The following WNK2 variants were observed in gnomAD, a reference collection of about 807,000 sequenced individuals.
WNK2 encodes serine/threonine-protein kinase WNK2.
A neutral mutation model predicts 192.1 loss-of-function variants in WNK2; 67 were observed. The ratio of observed to expected loss-of-function variants is 0.35; its 90% CI spans 0.29 to 0.43. The LOEUF (loss-of-function observed/expected upper bound fraction) is 0.43, where lower values mean the gene tolerates loss of function less well. Among genes scored for constraint, WNK2 ranks in the 20% least tolerant of loss-of-function variants. The pLI is 1.00. For synonymous variants in WNK2, 1,439 were observed against 1,393.9 expected, an observed-to-expected ratio of 1.03 and a Z score of -0.72; for missense variants, 2,698 against 3,089.7, an observed-to-expected ratio of 0.87 and a Z score of 3.01.
rs566241323 is a variant in WNK2 at position 93,184,308 on chromosome 9, C to G, written c.-80C>G. On this transcript the variant is annotated 5_prime_UTR_variant, in exon 1 of 30. Transcript: ENST00000427277. ...CGGACCTCGCCCGGAACTCGGACCC[C>G]GTCCTCGAAGCGTGATCTCTCCCGC... is the stretch of plus-strand genomic sequence containing the variant. Among the ~76,000 whole-genome samples the G allele has an allele frequency of 3.3e-5, 5 of 151,448 alleles. No individual in the cohort carries two copies. The highest frequency in any genetic ancestry group is 1.2e-4 in the African/African-American group (5 of 41,480).
intron 2 of WNK2, among the ~76,000 whole-genome samples, chr9:93,211,545 TTCAC>T (rs1312740495): frequency 9.6e-5 from 11 of 115,098 alleles, no homozygotes; most frequent in South Asian, 3.1e-4. Flanking sequence ...CACTCATCCA[TTCAC>T]TCACTCACTC....
Position 93,261,797 on chromosome 9 carries a change from G to T in WNK2, c.3067-17G>T, listed in dbSNP as rs535479022. 2.0e-5 allele frequency: 32 copies of T among 1,577,876 alleles called. No homozygotes were observed. The East Asian group carries it at 5.4e-4, about 27-fold the overall frequency. On this transcript the variant is annotated splice_polypyrimidine_tract_variant and intron_variant, in intron 12 of 29. Transcript: ENST00000427277. The stretch of plus-strand genomic sequence containing the variant: ...CAGCGCCGGCCCTGACTTGCACCTT[G>T]TCCCCTGTGCCCCCAGATTCTGCTT...
intron 19 of WNK2, among the ~76,000 whole-genome samples, chr9:93,273,282 C>G (rs1000260047): frequency 6.6e-6 from 1 of 152,180 alleles, no homozygotes; most frequent in South Asian, 2.1e-4. Flanking sequence ...CTCAGCCTCC[C>G]GAGTAGCTAG....
intron 2 of WNK2, among the ~76,000 whole-genome samples, chr9:93,207,431 A>G (rs1833597590): frequency 6.6e-6 from 1 of 152,152 alleles, no homozygotes; most frequent in African/African-American, 2.4e-5. Context: ...TCTGTCATTC[A>G]TGATCTCCCG....
chr9:93,259,328 C>T lies in WNK2; in HGVS notation c.2780C>T (p.Ser927Phe), dbSNP rs1843808978. The change falls in exon 12 of 30, where the codon TCC becomes TTC. Residue 927 changes from serine to phenylalanine, a missense_variant. Physicochemically the swap from Ser to Phe is radical, Grantham distance 155 (BLOSUM62 -2). Coordinates refer to ENST00000427277, the MANE Select transcript of WNK2 (RefSeq NM_006648.4). The surrounding 1 kb of genome is among the most constrained non-coding windows in gnomAD (Gnocchi z 4.8). The part of the protein sequence containing the change: ...PQMAPTDVPP[S>F]PHHTVQNMRA... ...ATGGCGCCTACTGACGTCCCTCCTTCCCCCCATCACACGGTGCAGAATATG... is the reference window on the plus strand; with the variant it reads ...ATGGCGCCTACTGACGTCCCTCCTTTCCCCCATCACACGGTGCAGAATATG... 6.2e-7 allele frequency: 1 copy of T among 1,613,396 alleles called. No homozygotes were observed. Among genetic ancestry groups the T allele is most frequent in the Non-Finnish European group, 8.5e-7 (1 of 1,179,688 alleles).
In WNK2 at chr9:93,259,412, TGCTGCCCCCGCAACCCAC is replaced by T. The variant is rs779123922; in HGVS notation, c.2874_2891del (p.Thr961_Pro966del). 3.4e-5 allele frequency: 42 copies of T among 1,236,298 alleles called. No homozygotes were observed. The South Asian group carries it at 4.3e-4, about 13-fold the overall frequency. 76.6% of individuals were successfully genotyped at this position (1,236,298 alleles called of 1,614,324 possible). A position where few individuals can be genotyped will look rare whatever the true frequency, so the allele number is the denominator to read the frequency against. ...CAACCCACACTGCCCCCACAACCCG[TGCTGCCCCCGCAACCCAC>T]GCTGCCCCCTCAACCTGTGTTGCCC... On this transcript the variant is annotated inframe_deletion, in exon 12 of 30. Coordinates refer to ENST00000427277, the MANE Select transcript of WNK2 (RefSeq NM_006648.4). This position sits in a 1 kb window ranked among gnomAD's most constrained non-coding sequence, Gnocchi z 4.8.
chr9:93,259,585 G>A lies in WNK2; in HGVS notation c.3037G>A (p.Ala1013Thr), dbSNP rs1180492678. 2.5e-6 allele frequency: 4 copies of A among 1,592,246 alleles called. No homozygotes were observed. The highest frequency in any genetic ancestry group is 3.4e-6 in the Non-Finnish European group (4 of 1,176,612). ...CCTCCAGCCCCACCTTCCTGAACAA[G>A]CTGCTCCAGCTGCTACACCAGGGAG... is the stretch of plus-strand genomic sequence containing the variant. ...EPLQPHLPEQ[A>T]APAATPGSQI... is the part of the protein sequence containing the mutation. Residue 1013 changes from alanine (A) to threonine (T), a missense_variant, in exon 12 of 30, where the codon GCT (alanine) becomes ACT (threonine). Transcript: ENST00000427277. The surrounding 1 kb of genome is among the most constrained non-coding windows in gnomAD (Gnocchi z 4.8).
At chr9:93,281,824 T>A (rs1390092642) in intron 19 of WNK2, among the ~76,000 whole-genome samples, 1 of 152,218 alleles carries the variant, frequency 6.6e-6, no homozygotes, top group African/African-American at 2.4e-5. Flanking sequence ...AGATAACATA[T>A]GCCAGTGGAC....
In WNK2 at chr9:93,296,906, C is replaced by T. The variant is rs139998138; in HGVS notation, c.5709-947C>T. Among the ~76,000 whole-genome samples, 445 of 126,110 alleles carry T rather than the reference C, an allele frequency of 3.5e-3. 6 individuals carry two copies. Among genetic ancestry groups the T allele is most frequent in the African/African-American group, 0.013 (414 of 32,474 alleles). The allele number at this position is 126,110 out of a possible 152,430, so 82.7% of individuals were successfully genotyped here. ...CCCTCCGCATCCTCCCTTCAGCCTA[C>T]TCCCCTCCCCATTCTACCTCCCTCG... On this transcript the variant is annotated intron_variant, in intron 23 of 29. Transcript: ENST00000427277.
At position 93,309,013 on chromosome 9, in the gene WNK2, A is replaced by T. The variant is rs1372702045; in HGVS notation, c.6516+429A>T. ...TGACACCAGCGTCTGGCCATAGCTCACACGCACCTGAGCCAATGTGGGGCG... is the reference window on the plus strand; with the variant it reads ...TGACACCAGCGTCTGGCCATAGCTCTCACGCACCTGAGCCAATGTGGGGCG... On this transcript the variant is annotated intron_variant, in intron 28 of 29. Transcript: ENST00000427277. 3 of 1,008,732 alleles carry T rather than the reference A, an allele frequency of 3.0e-6. No individual in the cohort carries two copies. In the East Asian group the frequency reaches 3.0e-4, roughly 100 times the overall value. 62.5% of individuals were successfully genotyped at this position (1,008,732 alleles called of 1,614,324 possible).
At chr9:93,283,145 A>C (rs1847972521) in intron 19 of WNK2, among the ~76,000 whole-genome samples, 1 of 152,216 alleles carries the variant, frequency 6.6e-6, no homozygotes, top group South Asian at 2.1e-4. Flanking sequence ...AAATTTGTGA[A>C]ATGCAGTTAA....
intron 2 of WNK2, among the ~76,000 whole-genome samples, chr9:93,201,491 A>G (rs1474124838): frequency 3.9e-5 from 6 of 152,328 alleles, no homozygotes; most frequent in East Asian, 3.9e-4. Context: ...TTCCTGCTGT[A>G]GAGCTTGTGG....
intron 19 of WNK2, among the ~76,000 whole-genome samples, chr9:93,272,219 A>G (rs1846096592): frequency 6.6e-6 from 1 of 152,226 alleles, no homozygotes; most frequent in South Asian, 2.1e-4. Context: ...ATAATAGACT[A>G]TTCTTCTCCT....
intron 2 of WNK2, among the ~76,000 whole-genome samples, chr9:93,208,733 C>CTGTGTTTTG (rs1833897991): frequency 1.5e-4 from 1 of 6,462 alleles, no homozygotes; most frequent in Non-Finnish European, 2.7e-4. Context: ...CGTGCGTGTT[C>CTGTGTTTTG]TGTGTGTGTT....
At position 93,247,594 on chromosome 9, in the gene WNK2, A is replaced by C. The variant is rs770647529; in HGVS notation, c.1594A>C (p.Ile532Leu). 3.1e-6 allele frequency: 5 copies of C among 1,608,006 alleles called. No homozygotes were observed. The highest frequency in any genetic ancestry group is 4.2e-6 in the Non-Finnish European group (5 of 1,177,638). ...ESDVKIVAKS[I>L]RDRVALIQWR... is the part of the protein sequence containing the mutation. ...TGACGTCAAGATCGTGGCCAAGTCC[A>C]TCCGTGACCGCGTGGCCTTGATCCA... is the stretch of plus-strand genomic sequence containing the variant. Residue 532 changes from isoleucine to leucine, a missense_variant, in exon 8 of 30, where the codon ATC (isoleucine) becomes CTC (leucine). By Grantham distance (5) the Ile-to-Leu change is conservative (BLOSUM62 2). Transcript: ENST00000427277. The surrounding 1 kb of genome is among the most constrained non-coding windows in gnomAD (Gnocchi z 5.2).
At chr9:93,197,873 G>A (rs747101380) in intron 2 of WNK2, among the ~76,000 whole-genome samples, 7 of 152,178 alleles carry the variant, frequency 4.6e-5, no homozygotes, top group Non-Finnish European at 7.4e-5. Flanking sequence ...TGGCTCGGGT[G>A]CTGCATGTGT....
In WNK2 at chr9:93,184,249, G is replaced by A. The variant is rs971283863; in HGVS notation, c.-139G>A. On this transcript the variant is annotated 5_prime_UTR_variant, in exon 1 of 30. Transcript: ENST00000427277. The stretch of plus-strand genomic sequence containing the variant: ...CCCGGCCCGAGAGAGCAGCGCGCAG[G>A]AGCTGGAGCGGCGCCACGGCCCCCA... Among the ~76,000 whole-genome samples the A allele has an allele frequency of 2.0e-5, 3 of 150,860 alleles. No homozygotes were observed. Among genetic ancestry groups the A allele is most frequent in the Admixed American group, 1.3e-4 (2 of 15,160 alleles).
rs1461985890 is a variant in WNK2, at chr9:93,229,828, G to A, written c.814G>A (p.Val272Met). The change falls in exon 3 of 30, where the codon GTG becomes ATG. Residue 272 changes from valine (V) to methionine (M), a missense_variant. This residue lies in a region of WNK2 where 230 missense variants were observed against 501.1 expected (regional missense o/e 0.46). Transcript: ENST00000427277. The surrounding 1 kb of genome is among the most constrained non-coding windows in gnomAD (Gnocchi z 4.9). ...ESSAKGKRCI[V>M]LVTELMTSGT... ...CAGCGCCAAGGGCAAGCGGTGCATT[G>A]TGCTGGTGACGGAGCTGATGACCTC... 6.2e-7 allele frequency: 1 copy of A among 1,613,940 alleles called. No homozygotes were observed. Among genetic ancestry groups the A allele is most frequent in the Admixed American group, 1.7e-5 (1 of 60,022 alleles).
intron 2 of WNK2, among the ~76,000 whole-genome samples, chr9:93,225,150 G>A (rs554857148): frequency 1.3e-5 from 2 of 152,302 alleles, no homozygotes; most frequent in African/African-American, 4.8e-5. Context: ...TGTAATGCCA[G>A]CACTTTTGGG....
Sources: gnomAD v4.1 joint callset for allele counts (sites outside exome capture counted in the v4.1 genomes callset) on GRCh38, gnomAD v4.1.1 for gene constraint, gnomAD v4.1.1 regional missense constraint, Gnocchi (gnomAD v3.1) non-coding constraint, MANE v1.5 for transcripts, NCBI Gene and HGNC (gene_info 2026-07-23, HGNC 2026-07-21) for gene names.